The following XXYLT1 variants were observed in gnomAD, a reference collection of about 807,000 sequenced individuals.
XXYLT1 encodes the protein xyloside xylosyltransferase 1.
XXYLT1 carries 20 observed loss-of-function variants against 28.9 expected under a neutral mutation model. That is an observed-to-expected ratio of 0.69 (90% CI 0.49 to 1.00). The LOEUF (loss-of-function observed/expected upper bound fraction) is 1.00. Ranked by LOEUF, XXYLT1 falls within the 50% of genes least tolerant of loss-of-function variation. XXYLT1 has a pLI of 0.00. For synonymous variants in XXYLT1, 257 were observed against 253.8 expected, an observed-to-expected ratio of 1.01 and a Z score of -0.12; for missense variants, 542 against 560.1, an observed-to-expected ratio of 0.97 and a Z score of 0.33.
chr3:195,107,149 G>A (rs990859129), intron 3 of XXYLT1, among the ~76,000 whole-genome samples: 3 of 151,890 alleles, frequency 2.0e-5, no homozygotes, highest in Admixed American at 6.6e-5. Context: ...TTTTCAGCAA[G>A]ACGAAAAGCT....
At chr3:195,127,813 T>C (rs1347898198) in intron 3 of XXYLT1, among the ~76,000 whole-genome samples, 4 of 150,560 alleles carry the variant, frequency 2.7e-5, no homozygotes, top group Non-Finnish European at 4.4e-5. Context: ...CAAAACGCCA[T>C]GTAGAAAGAG....
At chr3:195,083,651 T>C (rs1276408655) in intron 3 of XXYLT1, among the ~76,000 whole-genome samples, 2 of 152,198 alleles carry the variant, frequency 1.3e-5, no homozygotes, top group Non-Finnish European at 2.9e-5. Flanking sequence ...CCCAGCTATA[T>C]GTACATTATC....
At position 195,256,678 on chromosome 3, in the gene XXYLT1, G is replaced by T; in HGVS notation, c.504+13877C>A. ...ACAGACTGTTACTCAGAGCCGGAGCGTCCCCACTCCTCTTATGATGAGAAA... is the reference window on the plus strand; with the variant it reads ...ACAGACTGTTACTCAGAGCCGGAGCTTCCCCACTCCTCTTATGATGAGAAA... On this transcript the variant is annotated intron_variant, in intron 1 of 3. Coordinates refer to ENST00000310380, the MANE Select transcript of XXYLT1 (RefSeq NM_152531.5). The surrounding 1 kb of genome is among the most constrained non-coding windows in gnomAD (Gnocchi z 4.2). 1.5e-6 allele frequency: 1 copy of T among 672,768 alleles called. No homozygotes were observed. Among genetic ancestry groups the T allele is most frequent in the South Asian group, 6.6e-5 (1 of 15,116 alleles). The allele number at this position is 672,768 out of a possible 1,614,324, so 41.7% of individuals were successfully genotyped here.
intron 3 of XXYLT1, among the ~76,000 whole-genome samples, chr3:195,098,147 T>C (rs9857586): frequency 0.13 from 20,237 of 152,074 alleles, 3,016 homozygotes; most frequent in African/African-American, 0.37. Flanking sequence ...GGGAAGTTAT[T>C]ATTGAATGGG....
At position 195,082,724 on chromosome 3, in the gene XXYLT1, C is replaced by G. The variant is rs142674035; in HGVS notation, c.786-12613G>C. Among the ~76,000 whole-genome samples, 418 of 152,226 alleles carry G rather than the reference C, an allele frequency of 2.7e-3. 2 individuals are homozygous for G. Among genetic ancestry groups the G allele is most frequent in the African/African-American group, 8.4e-3 (349 of 41,542 alleles). On this transcript the variant is annotated intron_variant, in intron 3 of 3. Transcript: ENST00000310380. ...ATTAGCCGGGTGTGGTGGCGCGTGC[C>G]TATAATCCCAGCTACTCGGGAGGCT...
intron 2 of XXYLT1, among the ~76,000 whole-genome samples, chr3:195,194,547 C>A (rs73890724): frequency 0.051 from 7,780 of 152,132 alleles, 604 homozygotes; most frequent in African/African-American, 0.18. Context: ...TATGACCCAG[C>A]AATTCTACTC....
At chr3:195,149,598 C>A (rs982916009) in intron 3 of XXYLT1, among the ~76,000 whole-genome samples, 15 of 152,236 alleles carry the variant, frequency 9.9e-5, no homozygotes, top group African/African-American at 3.4e-4. Flanking sequence ...GTCTCTCCCC[C>A]TGTCCTCGTC....
rs1048640717 is a variant in XXYLT1, at chr3:195,084,256, C to T, written c.786-14145G>A. ...AGGTCTGAATTGCATCAGGCCAGTT[C>T]CAACCACAGAGCAGGCTGTGGGTGA... On this transcript the variant is annotated intron_variant, in intron 3 of 3. Transcript: ENST00000310380. Among the ~76,000 whole-genome samples, 14 of 152,214 alleles carry T rather than the reference C, an allele frequency of 9.2e-5. 1 individual carries two copies. Among genetic ancestry groups the T allele is most frequent in the African/African-American group, 3.4e-4 (14 of 41,524 alleles).
intron 3 of XXYLT1, among the ~76,000 whole-genome samples, chr3:195,104,175 G>A (rs1463210669): frequency 2.7e-5 from 4 of 150,572 alleles, no homozygotes; most frequent in Non-Finnish European, 5.9e-5. Context: ...CCACTGTGAC[G>A]GTGATGACGG....
At chr3:195,107,491 G>A (rs1449507289) in intron 3 of XXYLT1, among the ~76,000 whole-genome samples, 16 of 85,674 alleles carry the variant, frequency 1.9e-4, no homozygotes, top group South Asian at 4.0e-4. Flanking sequence ...AAAAAAAAAA[G>A]GAAGAAAGGA....
intron 2 of XXYLT1, among the ~76,000 whole-genome samples, chr3:195,166,739 T>C (rs556024044): frequency 2.0e-5 from 3 of 152,196 alleles, no homozygotes; most frequent in South Asian, 2.1e-4. Context: ...TGGAGTACAA[T>C]GGCACGATCT....
At chr3:195,155,028 C>G (rs531402842) in intron 3 of XXYLT1, among the ~76,000 whole-genome samples, 190 of 152,354 alleles carry the variant, frequency 1.2e-3, no homozygotes, top group Non-Finnish European at 2.2e-3. Context: ...CAAACCCTCT[C>G]AAGTCGCCAA....
rs567202132 is a variant in XXYLT1 at position 195,201,941 on chromosome 3, G to A, written c.652+24768C>T. On this transcript the variant is annotated intron_variant, in intron 2 of 3. Coordinates refer to ENST00000310380, the MANE Select transcript of XXYLT1 (RefSeq NM_152531.5). ...CACCTGTAATCTCAGCACTTTGGGAGGCCAAGGTGGGCGGATCATGAGGTC... is the reference window on the plus strand; with the variant it reads ...CACCTGTAATCTCAGCACTTTGGGAAGCCAAGGTGGGCGGATCATGAGGTC... 3.9e-5 allele frequency among the ~76,000 whole-genome samples: 6 copies of A among 152,326 alleles called. No individual in the cohort carries two copies. In the East Asian group the frequency reaches 1.2e-3, roughly 29 times the overall value.
intron 3 of XXYLT1, among the ~76,000 whole-genome samples, chr3:195,096,666 T>C (rs1716464520): frequency 6.6e-6 from 1 of 152,184 alleles, no homozygotes; most frequent in African/African-American, 2.4e-5. Context: ...CCTCAGGCCT[T>C]CTCAGTGCCC....
intron 2 of XXYLT1, among the ~76,000 whole-genome samples, chr3:195,212,004 A>ATG (rs1560154732): frequency 3.0e-5 from 4 of 133,958 alleles, no homozygotes; most frequent in African/African-American, 1.1e-4. Context: ...GAATGCCACC[A>ATG]GGAAGATCTG....
In XXYLT1 at chr3:195,076,421, C is replaced by T. The variant is rs543795286; in HGVS notation, c.786-6310G>A. Among the ~76,000 whole-genome samples, 18 of 152,146 alleles carry T rather than the reference C, an allele frequency of 1.2e-4. No individual in the cohort carries two copies. Among genetic ancestry groups the T allele is most frequent in the South Asian group, 2.1e-4 (1 of 4,826 alleles). On this transcript the variant is annotated intron_variant, in intron 3 of 3. Coordinates refer to ENST00000310380, the MANE Select transcript of XXYLT1 (RefSeq NM_152531.5). This position sits in a 1 kb window ranked among gnomAD's most constrained non-coding sequence, Gnocchi z 5.3. ...TTGAATTATGTCACGCAGGGGCCTT[C>T]GGTGGGAGGAGGGACAGTCGTGACA...
chr3:195,188,030 G>C (rs776274879), intron 2 of XXYLT1, among the ~76,000 whole-genome samples: 1 of 152,166 alleles, frequency 6.6e-6, no homozygotes, highest in Non-Finnish European at 1.5e-5. Context: ...GTCTCAACGA[G>C]CTTGCTTGGC....
At chr3:195,211,283 A>G (rs1414671239) in intron 2 of XXYLT1, among the ~76,000 whole-genome samples, 2 of 152,000 alleles carry the variant, frequency 1.3e-5, no homozygotes, top group African/African-American at 4.8e-5. Flanking sequence ...AATCCCAGCT[A>G]CTTGGGAGGC....
intron 3 of XXYLT1, among the ~76,000 whole-genome samples, chr3:195,111,804 C>T (rs538430492): frequency 2.0e-5 from 3 of 152,130 alleles, no homozygotes; most frequent in Non-Finnish European, 4.4e-5. Flanking sequence ...ACCTCAGTTA[C>T]AACAAAACAG....
Sources: gnomAD v4.1 joint callset for allele counts (sites outside exome capture counted in the v4.1 genomes callset) on GRCh38, gnomAD v4.1.1 for gene constraint, Gnocchi (gnomAD v3.1) non-coding constraint, MANE v1.5 for transcripts, NCBI Gene and HGNC (gene_info 2026-07-23, HGNC 2026-07-21) for gene names.